The following ERICH2 variants were observed in gnomAD, a reference collection of about 807,000 sequenced individuals.
The protein encoded by ERICH2 is glutamate-rich protein 2.
A neutral mutation model predicts 17.4 loss-of-function variants in ERICH2; 17 were observed. That is an observed-to-expected ratio of 0.98 (90% CI 0.67 to 1.47). The LOEUF (loss-of-function observed/expected upper bound fraction) is 1.47. ERICH2 is among the 40% of genes most tolerant of loss of function. The pLI is 0.00. For synonymous variants in ERICH2, 51 were observed against 61.1 expected, an observed-to-expected ratio of 0.83 and a Z score of 0.77; for missense variants, 186 against 183.2, an observed-to-expected ratio of 1.01 and a Z score of -0.09.
At chr2:170,782,225 ACTGT>A, upstream of ERICH2, 1 of 860,496 alleles carries the variant, frequency 1.2e-6, no homozygotes, top group Non-Finnish European at 1.4e-6. Flanking sequence ...ATATTTTTTC[ACTGT>A]CTAACATATA....
intron 2 of ERICH2, among the ~76,000 whole-genome samples, chr2:170,786,280 A>G (rs910603419): frequency 3.3e-5 from 5 of 151,716 alleles, no homozygotes; most frequent in East Asian, 1.9e-4. Context: ...ATTTAAAACA[A>G]ATTTTTAGCT....
At chr2:170,798,897 G>A (rs1236399575) in exon 5 of ERICH2, 7 of 1,550,304 alleles carry the variant, frequency 4.5e-6, no homozygotes, top group Non-Finnish European at 6.1e-6. Context: ...GATCATGAGT[G>A]TTGCTGCAAT....
At chr2:170,791,527 TA>T (rs10658304) in intron 2 of ERICH2, among the ~76,000 whole-genome samples, 3 of 121,582 alleles carry the variant, frequency 2.5e-5, no homozygotes, top group African/African-American at 5.9e-5. Context: ...CCGTCTCTAC[TA>T]AAAAAAAAAA....
chr2:170,789,808 G>T (rs563118279), intron 2 of ERICH2, among the ~76,000 whole-genome samples: 1 of 152,098 alleles, frequency 6.6e-6, no homozygotes, highest in African/African-American at 2.4e-5. Context: ...CTACATATTA[G>T]ATAATATTAA....
intron 2 of ERICH2, among the ~76,000 whole-genome samples, chr2:170,790,780 G>A (rs1701271793): frequency 1.3e-5 from 2 of 150,312 alleles, no homozygotes; most frequent in Admixed American, 1.3e-4. Flanking sequence ...CTCCAGCCTG[G>A]GCAACAGACC....
chr2:170,790,127 A>G (rs1701251481), intron 2 of ERICH2, among the ~76,000 whole-genome samples: 2 of 152,270 alleles, frequency 1.3e-5, no homozygotes, highest in South Asian at 4.1e-4. Context: ...AACAACAAAA[A>G]TAACAATAAC....
At chr2:170,775,315 T>G in the ERICH2 span, among the ~76,000 whole-genome samples, 2 of 151,584 alleles carry the variant, frequency 1.3e-5, no homozygotes, top group Admixed American at 6.6e-5. Context: ...ACCTGTGGTC[T>G]CAGATACTCA....
chr2:170,798,914 A>G (rs1559258556), exon 5 of ERICH2: 6 of 1,549,834 alleles, frequency 3.9e-6, no homozygotes, highest in Non-Finnish European at 5.2e-6. Context: ...CAATACTTGA[A>G]GCTTCATGTA....
At chr2:170,793,061 G>GTTGA in intron 3 of ERICH2, 141 bp downstream of exon 8, 1 of 497,492 alleles carries the variant, frequency 2.0e-6, no homozygotes, top group Admixed American at 3.5e-5. Context: ...AATAAATTAG[G>GTTGA]TTGATTGGTA....
At chr2:170,775,892 G>T in the ERICH2 span, among the ~76,000 whole-genome samples, 11 of 151,702 alleles carry the variant, frequency 7.3e-5, no homozygotes, top group South Asian at 4.2e-4. Context: ...AAATAATGAC[G>T]CTTTGCTTTT....
chr2:170,776,596 T>G, the ERICH2 span, among the ~76,000 whole-genome samples: 1 of 152,154 alleles, frequency 6.6e-6, no homozygotes, highest in Non-Finnish European at 1.5e-5. Context: ...CAGGTTGGTC[T>G]CGAACTCCTG....
intron 2 of ERICH2, among the ~76,000 whole-genome samples, chr2:170,785,849 T>C (rs1025816012): frequency 2.0e-5 from 3 of 152,148 alleles, no homozygotes; most frequent in Admixed American, 1.3e-4. Flanking sequence ...TACTGATAAT[T>C]CTATGGAGAA....
chr2:170,796,002 C>T (rs1284299520), intron 3 of ERICH2, among the ~76,000 whole-genome samples: 2 of 152,186 alleles, frequency 1.3e-5, no homozygotes, highest in Non-Finnish European at 2.9e-5. Flanking sequence ...ACAAAATCTT[C>T]TATTTATTTT....
chr2:170,784,805 C>T (rs1701117358), exon 2 of ERICH2: 1 of 1,519,478 alleles, frequency 6.6e-7, no homozygotes, highest in Non-Finnish European at 8.8e-7. Context: ...AAAAAGAATA[C>T]TCAGGCCCCA....
At chr2:170,798,151 C>A (rs1274483416) in intron 4 of ERICH2, 39 bp downstream of exon 9, 1 of 1,340,358 alleles carries the variant, frequency 7.5e-7, no homozygotes, top group Non-Finnish European at 1.0e-6. Flanking sequence ...TCTCATAGAA[C>A]TATAAGCAGT....
chr2:170,794,059 T>C (rs1701353254), intron 3 of ERICH2, among the ~76,000 whole-genome samples: 1 of 149,126 alleles, frequency 6.7e-6, no homozygotes, highest in South Asian at 2.1e-4. Flanking sequence ...TTTTCCTTCC[T>C]TTCTTTCTTT....
At chr2:170,781,254 T>A (rs1701020733), upstream of ERICH2, among the ~76,000 whole-genome samples, 1 of 152,174 alleles carries the variant, frequency 6.6e-6, no homozygotes, top group Non-Finnish European at 1.5e-5. Flanking sequence ...ACTTTACATC[T>A]TTTTATATAT....
chr2:170,774,913 A>G, the ERICH2 span, among the ~76,000 whole-genome samples: 2 of 151,948 alleles, frequency 1.3e-5, no homozygotes, highest in Non-Finnish European at 2.9e-5. Flanking sequence ...ACTGCCTCCC[A>G]AGGAATTCAG....
At chr2:170,792,730 T>G in intron 2 of ERICH2, 133 bp from the exon 8 acceptor site, 1 of 592,002 alleles carries the variant, frequency 1.7e-6, no homozygotes, top group Non-Finnish European at 3.0e-6. Flanking sequence ...CACTATTCAT[T>G]ATAGACTGAC....
Sources: gnomAD v4.1 joint callset for allele counts (sites outside exome capture counted in the v4.1 genomes callset) on GRCh38, gnomAD v4.1.1 for gene constraint, MANE v1.5 for transcripts, NCBI Gene and HGNC (gene_info 2026-07-23, HGNC 2026-07-21) for gene names.